MSTO1: variants seen among roughly 807,000 people sequenced by gnomAD.
MSTO1 encodes misato mitochondrial distribution and morphology regulator 1.
MSTO1 carries 24 observed loss-of-function variants against 55.7 expected under a neutral mutation model. The observed-to-expected ratio is 0.43, with a 90% CI of 0.31 to 0.61. The LOEUF (loss-of-function observed/expected upper bound fraction) is 0.61, where lower values mean the gene tolerates loss of function less well. Ranked by LOEUF, MSTO1 falls within the 20% of genes least tolerant of loss-of-function variation. MSTO1 has a pLI of 0.09. For missense variants in MSTO1, 363 were observed against 625.7 expected (o/e 0.58, Z 4.48); for synonymous variants, 162 against 252.8 (o/e 0.64, Z 3.41).
the MSTO1 span, chr1:155,598,725 C>A: frequency 1.8e-6 from 1 of 543,202 alleles, no homozygotes; most frequent in Non-Finnish European, 3.3e-6. Context: ...CAGTCTCAAA[C>A]AGCAAGAACA....
the MSTO1 span, among the ~76,000 whole-genome samples, chr1:155,600,687 A>C: frequency 6.6e-6 from 1 of 152,104 alleles, no homozygotes; most frequent in African/African-American, 2.4e-5. Context: ...AGCTGGGATT[A>C]CAGGCATGCA....
chr1:155,574,988 T>A, the MSTO1 span, among the ~76,000 whole-genome samples: 667 of 150,006 alleles, frequency 4.4e-3, 6 homozygotes, highest in South Asian at 0.041. Context: ...TGCCTCAACC[T>A]CCCGATTAGC....
chr1:155,600,723 T>G, the MSTO1 span, among the ~76,000 whole-genome samples: 1 of 152,062 alleles, frequency 6.6e-6, no homozygotes, highest in South Asian at 2.1e-4. Flanking sequence ...AATTTCTGTA[T>G]TTTTAGTATA....
the MSTO1 span, among the ~76,000 whole-genome samples, chr1:155,603,035 T>C: frequency 6.6e-6 from 1 of 152,140 alleles, no homozygotes; most frequent in African/African-American, 2.4e-5. Context: ...CCCTTATGTA[T>C]GTTTTTTCAA....
the MSTO1 span, among the ~76,000 whole-genome samples, chr1:155,586,874 A>G: frequency 1.3e-5 from 2 of 152,130 alleles, no homozygotes; most frequent in Non-Finnish European, 2.9e-5. Flanking sequence ...CAGCCTCCCA[A>G]GTAGCTGGGA....
chr1:155,613,382 T>A, intron 11 of MSTO1, 80 bp from the exon 12 acceptor site: 1 of 1,597,564 alleles, frequency 6.3e-7, no homozygotes, highest in Non-Finnish European at 8.5e-7. Flanking sequence ...TTGATCCAGC[T>A]GATGGCCTGA....
the MSTO1 span, among the ~76,000 whole-genome samples, chr1:155,600,452 ACTT>A: frequency 2.0e-5 from 3 of 152,138 alleles, no homozygotes; most frequent in Non-Finnish European, 2.9e-5. Flanking sequence ...TCCTATGTCT[ACTT>A]CTTTCTATAC....
At chr1:155,604,471 G>C in the MSTO1 span, among the ~76,000 whole-genome samples, 1 of 152,204 alleles carries the variant, frequency 6.6e-6, no homozygotes, top group African/African-American at 2.4e-5. Flanking sequence ...ATACTTTTCT[G>C]ATGTGCCCAT....
At chr1:155,598,445 C>T in the MSTO1 span, among the ~76,000 whole-genome samples, 1 of 152,166 alleles carries the variant, frequency 6.6e-6, no homozygotes, top group Non-Finnish European at 1.5e-5. Flanking sequence ...AAACACTGGC[C>T]AGGTGCAGTA....
the MSTO1 span, among the ~76,000 whole-genome samples, chr1:155,575,214 C>CA: frequency 0.011 from 1,550 of 142,158 alleles, 9 homozygotes; most frequent in Non-Finnish European, 0.016. Context: ...CTTTGACCCT[C>CA]AAAAAAAAAA....
upstream of MSTO1, among the ~76,000 whole-genome samples, chr1:155,609,243 A>ATATGTATATATATATATATTTT: frequency 1.8e-5 from 1 of 54,578 alleles, no homozygotes; most frequent in East Asian, 1.9e-3. Context: ...ATATATATAT[A>ATATGTATATATATATATATTTT]TTTTTTTTTT....
chr1:155,598,582 C>T, the MSTO1 span, among the ~76,000 whole-genome samples: 1 of 152,036 alleles, frequency 6.6e-6, no homozygotes, highest in East Asian at 1.9e-4. Context: ...ATTAGCCAGG[C>T]GTGGTGGTAC....
chr1:155,578,336 CTTTTT>C, the MSTO1 span, among the ~76,000 whole-genome samples: 73 of 44,290 alleles, frequency 1.6e-3, 1 homozygote, highest in East Asian at 0.021. Flanking sequence ...AACTACCTTT[CTTTTT>C]TTTTTTTTTT....
the MSTO1 span, among the ~76,000 whole-genome samples, chr1:155,565,847 C>T: frequency 6.6e-6 from 1 of 152,128 alleles, no homozygotes. Flanking sequence ...TGAACAAACC[C>T]TGAATTATTT....
chr1:155,577,541 T>G, the MSTO1 span, among the ~76,000 whole-genome samples: 1 of 152,194 alleles, frequency 6.6e-6, no homozygotes, highest in Non-Finnish European at 1.5e-5. Flanking sequence ...AGACTATTCT[T>G]TCTTCATTGA....
chr1:155,570,865 A>AG, the MSTO1 span, among the ~76,000 whole-genome samples: 1 of 152,140 alleles, frequency 6.6e-6, no homozygotes, highest in African/African-American at 2.4e-5. Context: ...CCCGAGGATA[A>AG]GGGTGGACTA....
the MSTO1 span, chr1:155,601,956 G>C: frequency 3.2e-6 from 1 of 308,158 alleles, no homozygotes. Context: ...GGGTTTCACT[G>C]TGTTAGCCAG....
chr1:155,591,003 G>A, the MSTO1 span: 124 of 1,613,950 alleles, frequency 7.7e-5, no homozygotes, highest in Admixed American at 1.3e-3. Context: ...CCACAAGGAG[G>A]GTGATGACAC....
At position 155,611,988 on chromosome 1, in the gene MSTO1, C is replaced by T. The variant is rs1571237124; in HGVS notation, c.566C>T (p.Ala189Val). The change falls in exon 7 of 14, where the codon GCA becomes GTA. Residue 189 changes from alanine to valine, a missense_variant. Physicochemically the swap from Ala to Val is moderately conservative, Grantham distance 64. This residue lies in a region of MSTO1 where 94 missense variants were observed against 212.4 expected (regional missense o/e 0.44). Coordinates refer to ENST00000245564, the MANE Select transcript of MSTO1 (RefSeq NM_018116.4). ...MIQKYNHDGE[A>V]GRLEAFGQGE... ...ATCATGTTTACTTGTGGCAGGGAAGCAGGTCGGCTGGAGGCTTTTGGCCAA... is the reference window on the plus strand; with the variant it reads ...ATCATGTTTACTTGTGGCAGGGAAGTAGGTCGGCTGGAGGCTTTTGGCCAA... The T allele has an allele frequency of 2.6e-5, 34 of 1,291,186 alleles. No individual in the cohort carries two copies. Among genetic ancestry groups the T allele is most frequent in the Non-Finnish European group, 3.7e-5 (34 of 927,950 alleles). The allele number at this position is 1,291,186 out of a possible 1,614,324, so 80.0% of individuals were successfully genotyped here. A position where few individuals can be genotyped will look rare whatever the true frequency, so the allele number is the denominator to read the frequency against.
Sources: allele counts gnomAD v4.1 joint callset (sites outside exome capture counted in the v4.1 genomes callset), GRCh38; gene constraint gnomAD v4.1.1; regional missense constraint gnomAD v4.1.1; transcripts MANE v1.5; gene names NCBI Gene and HGNC (gene_info 2026-07-23, HGNC 2026-07-21).